GNG4: variants seen among roughly 807,000 people sequenced by gnomAD.
GNG4 encodes the protein guanine nucleotide-binding protein G(I)/G(S)/G(O) subunit gamma-4.
Under a neutral mutation model 5.8 loss-of-function variants are expected in GNG4, and 4 were observed. That is an observed-to-expected ratio of 0.69 (90% CI 0.34 to 1.57). The LOEUF (loss-of-function observed/expected upper bound fraction) is 1.57, where lower values mean the gene tolerates loss of function less well. GNG4 is among the 40% of genes most tolerant of loss of function. GNG4 has a pLI of 0.06. For missense variants in GNG4, 96 were observed against 95.1 expected (o/e 1.01, Z -0.04); for synonymous variants, 29 against 32.9 (o/e 0.88, Z 0.41).
At chr1:235,594,180 G>T (rs1392144399) in intron 2 of GNG4, among the ~76,000 whole-genome samples, 1 of 152,042 alleles carries the variant, frequency 6.6e-6, no homozygotes, top group Non-Finnish European at 1.5e-5. Flanking sequence ...CCCCACCAGC[G>T]TAGCTAGATA....
At chr1:235,626,724 C>T (rs573446763) in intron 1 of GNG4, among the ~76,000 whole-genome samples, 1 of 152,144 alleles carries the variant, frequency 6.6e-6, no homozygotes, top group African/African-American at 2.4e-5. Flanking sequence ...TTTGGGAGGC[C>T]AAGGCAGTCG....
At chr1:235,589,624 A>G (rs565970406) in intron 2 of GNG4, among the ~76,000 whole-genome samples, 2 of 152,302 alleles carry the variant, frequency 1.3e-5, no homozygotes, top group Non-Finnish European at 2.9e-5. Context: ...GAACCTGACA[A>G]CGTGACCTTG....
rs1323533437 is a variant in GNG4 at position 235,642,752 on chromosome 1, CCTG to C, written c.-123+6907_-123+6909del. Among the ~76,000 whole-genome samples the C allele has an allele frequency of 6.6e-6, 1 of 152,132 alleles. No homozygotes were observed. Among genetic ancestry groups the C allele is most frequent in the Non-Finnish European group, 1.5e-5 (1 of 68,026 alleles). Reference sequence around the variant, plus strand: ...GTGTGTTCTTGGAGGCGCGGGCCTCCCTGCTGTCATCACACCTCGGATCACCCC... The same window carrying C: ...GTGTGTTCTTGGAGGCGCGGGCCTCCCTGTCATCACACCTCGGATCACCCC... On this transcript the variant is annotated intron_variant, in intron 1 of 3. Coordinates refer to ENST00000391854, the MANE Select transcript of GNG4 (RefSeq NM_001098722.2). This position sits in a 1 kb window ranked among gnomAD's most constrained non-coding sequence, Gnocchi z 4.3.
At chr1:235,597,615 TGTGTGTGTGTGTGTA>T (rs1325954191) in intron 1 of GNG4, among the ~76,000 whole-genome samples, 7 of 109,860 alleles carry the variant, frequency 6.4e-5, no homozygotes, top group South Asian at 2.6e-4. Flanking sequence ...TGTGTGTGTG[TGTGTGTGTGTGTGTA>T]TTTTTTTTTT....
chr1:235,629,165 G>A (rs887074339), intron 1 of GNG4, among the ~76,000 whole-genome samples: 2 of 151,458 alleles, frequency 1.3e-5, no homozygotes, highest in South Asian at 2.1e-4. Context: ...CCCTAGGCAC[G>A]TGCCACCATG....
intron 3 of GNG4, among the ~76,000 whole-genome samples, chr1:235,555,414 T>C (rs1289453989): frequency 1.3e-5 from 2 of 152,228 alleles, no homozygotes; most frequent in African/African-American, 4.8e-5. Flanking sequence ...TACTGAGTGC[T>C]TCTCAGGTGC....
intron 1 of GNG4, among the ~76,000 whole-genome samples, chr1:235,608,686 T>G (rs1013504705): frequency 8.3e-6 from 1 of 120,258 alleles, no homozygotes; most frequent in East Asian, 2.4e-4. Flanking sequence ...TTTTATTTTT[T>G]ATTTTTTTTT....
At chr1:235,588,573 G>GGCTGCTCAGC (rs1407929565) in intron 2 of GNG4, among the ~76,000 whole-genome samples, 2 of 151,978 alleles carry the variant, frequency 1.3e-5, no homozygotes, top group Non-Finnish European at 2.9e-5. Flanking sequence ...CTCACGAAGG[G>GGCTGCTCAGC]GCTGCTCAGC....
chr1:235,631,857 C>A (rs535120565), intron 1 of GNG4, among the ~76,000 whole-genome samples: 1 of 151,904 alleles, frequency 6.6e-6, no homozygotes, highest in Non-Finnish European at 1.5e-5. Flanking sequence ...CATGAGCCAC[C>A]GCGCCTGGCC....
rs1558509221 is a variant in GNG4 at position 235,648,112 on chromosome 1, T to G, written c.-123+1550A>C. 6.6e-6 allele frequency among the ~76,000 whole-genome samples: 1 copy of G among 152,148 alleles called. No individual in the cohort carries two copies. The highest frequency in any genetic ancestry group is 1.5e-5 in the Non-Finnish European group (1 of 68,032). ...GGAATGGCCCCTTAGCTGTGCTGTT[T>G]CTGAGCCAGGCCTACATCCTCCACT... On this transcript the variant is annotated intron_variant, in intron 1 of 3. Transcript: ENST00000391854. The surrounding 1 kb of genome is among the most constrained non-coding windows in gnomAD (Gnocchi z 5.0).
intron 3 of GNG4, among the ~76,000 whole-genome samples, chr1:235,562,483 C>T (rs185051395): frequency 1.7e-3 from 265 of 151,692 alleles, no homozygotes; most frequent in African/African-American, 5.9e-3. Context: ...CCCATCTCTA[C>T]TAAAAATACA....
At chr1:235,593,945 C>G (rs563759910) in intron 2 of GNG4, among the ~76,000 whole-genome samples, 1 of 152,240 alleles carries the variant, frequency 6.6e-6, no homozygotes, top group Non-Finnish European at 1.5e-5. Context: ...ATTACCCCAG[C>G]TGGCGCGGGC....
At chr1:235,593,688 C>T (rs949806592) in intron 2 of GNG4, among the ~76,000 whole-genome samples, 3 of 152,108 alleles carry the variant, frequency 2.0e-5, no homozygotes, top group Admixed American at 2.0e-4. Context: ...TTCATGGTCT[C>T]GCTGGCTCAG....
chr1:235,579,418 A>AC (rs138171115), intron 3 of GNG4, among the ~76,000 whole-genome samples: 4 of 57,376 alleles, frequency 7.0e-5, no homozygotes, highest in African/African-American at 6.3e-4. Flanking sequence ...ATAAAAAAAA[A>AC]AAAGTAAATA....
chr1:235,636,523 CGCAGA>C (rs1451546201), intron 1 of GNG4, among the ~76,000 whole-genome samples: 4 of 151,334 alleles, frequency 2.6e-5, no homozygotes, highest in Non-Finnish European at 4.4e-5. Context: ...GCCACGGCCA[CGCAGA>C]GGCACGGTGC....
intron 1 of GNG4, among the ~76,000 whole-genome samples, chr1:235,626,283 C>T (rs904325079): frequency 1.3e-5 from 2 of 151,984 alleles, no homozygotes; most frequent in African/African-American, 4.8e-5. Context: ...GTTTTGTTTT[C>T]TATTGAGTTT....
intron 2 of GNG4, among the ~76,000 whole-genome samples, chr1:235,593,833 A>C (rs1688053374): frequency 6.6e-6 from 1 of 152,110 alleles, no homozygotes; most frequent in African/African-American, 2.4e-5. Context: ...GGTGAGTGTT[A>C]CAGCTCATAA....
chr1:235,607,681 C>T lies in GNG4; in HGVS notation c.-122-12170G>A, dbSNP rs79379376. Among the ~76,000 whole-genome samples, 1,082 of 152,334 alleles carry T rather than the reference C, an allele frequency of 7.1e-3. 11 individuals carry two copies. Among genetic ancestry groups the T allele is most frequent in the African/African-American group, 0.025 (1,031 of 41,574 alleles). On this transcript the variant is annotated intron_variant, in intron 1 of 3. Coordinates refer to ENST00000391854, the MANE Select transcript of GNG4 (RefSeq NM_001098722.2). ...CACGCCGCCCAGCCTGACTCCCTTT[C>T]ATGCCATCCCATCGGCACGGCTTTT...
At chr1:235,573,768 T>G (rs370314264) in intron 3 of GNG4, among the ~76,000 whole-genome samples, 1 of 151,398 alleles carries the variant, frequency 6.6e-6, no homozygotes, top group African/African-American at 2.4e-5. Context: ...CAGAGTGAGA[T>G]TCCATCTCAA....
Sources: allele counts gnomAD v4.1 joint callset (sites outside exome capture counted in the v4.1 genomes callset), GRCh38; gene constraint gnomAD v4.1.1; non-coding constraint Gnocchi (gnomAD v3.1); transcripts MANE v1.5; gene names NCBI Gene and HGNC (gene_info 2026-07-23, HGNC 2026-07-21).